The following VWC2 variants were observed in gnomAD, a reference collection of about 807,000 sequenced individuals.
VWC2 encodes brorin.
VWC2 carries 14 observed loss-of-function variants against 29.8 expected under a neutral mutation model. That is an observed-to-expected ratio of 0.47 (90% CI 0.31 to 0.74). VWC2 has a LOEUF of 0.74. Among genes scored for constraint, VWC2 ranks in the 30% least tolerant of loss-of-function variants. The pLI is 0.05. For missense variants in VWC2, 457 were observed against 459.8 expected, an observed-to-expected ratio of 0.99 and a Z score of 0.05; for synonymous variants, 213 against 199.0, an observed-to-expected ratio of 1.07 and a Z score of -0.59.
chr7:49,827,155 G>T (rs1789413997), intron 3 of VWC2, among the ~76,000 whole-genome samples: 2 of 151,904 alleles, frequency 1.3e-5, no homozygotes, highest in South Asian at 4.2e-4. Flanking sequence ...TGTTAATACA[G>T]TTATGTCATA....
rs1793723687 is a variant in VWC2, at chr7:49,916,338, A to G, written c.*4153A>G. Reference sequence around the variant, plus strand: ...TTCTGGGCCCTGGGTACCACAGACTATACTCTAAACATGGTCTTTACTATC... The same window carrying G: ...TTCTGGGCCCTGGGTACCACAGACTGTACTCTAAACATGGTCTTTACTATC... On this transcript the variant is annotated 3_prime_UTR_variant, in exon 4 of 4. Transcript: ENST00000340652. 1 of 152,146 alleles carries G rather than the reference A, an allele frequency of 6.6e-6. No individual in the cohort carries two copies. Among genetic ancestry groups the G allele is most frequent in the Non-Finnish European group, 1.5e-5 (1 of 68,030 alleles). 9.4% of individuals were successfully genotyped at this position (152,146 alleles called of 1,614,324 possible).
At chr7:49,851,078 G>T (rs1378294669) in intron 3 of VWC2, among the ~76,000 whole-genome samples, 1 of 152,170 alleles carries the variant, frequency 6.6e-6, no homozygotes, top group Non-Finnish European at 1.5e-5. Context: ...TGGAGGTTCC[G>T]ACGGCTGCTC....
At chr7:49,801,678 C>A (rs765177586) in intron 2 of VWC2, among the ~76,000 whole-genome samples, 11 of 152,198 alleles carry the variant, frequency 7.2e-5, no homozygotes, top group Admixed American at 1.3e-4. Flanking sequence ...GGCAGAATGA[C>A]CTGGAGGAAA....
chr7:49,812,092 T>C (rs1015378241), intron 3 of VWC2, among the ~76,000 whole-genome samples: 4 of 152,224 alleles, frequency 2.6e-5, no homozygotes, highest in African/African-American at 9.6e-5. Flanking sequence ...TTCTTTGAAA[T>C]ATTTTGTGAA....
At chr7:49,778,178 G>T (rs1173770537) in intron 2 of VWC2, among the ~76,000 whole-genome samples, 1 of 151,818 alleles carries the variant, frequency 6.6e-6, no homozygotes, top group African/African-American at 2.4e-5. Flanking sequence ...GGAGGAGAGG[G>T]ATCTCTCATT....
At chr7:49,904,601 T>C (rs1792977909) in intron 3 of VWC2, among the ~76,000 whole-genome samples, 2 of 152,192 alleles carry the variant, frequency 1.3e-5, no homozygotes, top group South Asian at 4.1e-4. Context: ...CAAATTTACA[T>C]TTTAGTTAAA....
chr7:49,880,641 T>C (rs1404332675), intron 3 of VWC2, among the ~76,000 whole-genome samples: 2 of 151,952 alleles, frequency 1.3e-5, no homozygotes, highest in African/African-American at 2.4e-5. Flanking sequence ...GTGAGAACAC[T>C]TGGACACAGG....
At chr7:49,806,563 C>T (rs554902774) in intron 3 of VWC2, among the ~76,000 whole-genome samples, 232 of 152,244 alleles carry the variant, frequency 1.5e-3, no homozygotes, top group Non-Finnish European at 2.7e-3. Context: ...TAAAGATAAA[C>T]ACTGAGACGT....
At chr7:49,785,596 C>A (rs773544161) in intron 2 of VWC2, among the ~76,000 whole-genome samples, 3 of 152,020 alleles carry the variant, frequency 2.0e-5, no homozygotes, top group Non-Finnish European at 4.4e-5. Flanking sequence ...ATAGAGACTG[C>A]AGAACAACAA....
intron 3 of VWC2, among the ~76,000 whole-genome samples, chr7:49,833,203 G>A (rs1789576294): frequency 6.6e-6 from 1 of 152,242 alleles, no homozygotes; most frequent in East Asian, 1.9e-4. Flanking sequence ...AGAGAAGAAT[G>A]TGGGTGTAAC....
intron 3 of VWC2, among the ~76,000 whole-genome samples, chr7:49,846,291 T>C (rs913296528): frequency 1.1e-4 from 17 of 152,212 alleles, no homozygotes; most frequent in Admixed American, 1.0e-3. Context: ...GGAAAGAAAT[T>C]TGATGGACTA....
rs762370056 is a variant in VWC2, at chr7:49,919,082, C to T, written c.*6897C>T. ...AAAAAAAAAAAAATCAGTGATGGAA[C>T]TGAGGCCAAATCTGTCTGGTTCCAA... is the stretch of plus-strand genomic sequence containing the variant. On this transcript the variant is annotated 3_prime_UTR_variant, in exon 4 of 4. Transcript: ENST00000340652. 1 of 150,764 alleles carries T rather than the reference C, an allele frequency of 6.6e-6. No individual in the cohort carries two copies. Among genetic ancestry groups the T allele is most frequent in the Non-Finnish European group, 1.5e-5 (1 of 67,898 alleles). The allele number at this position is 150,764 out of a possible 1,614,324, so 9.3% of individuals were successfully genotyped here. A position where few individuals can be genotyped will look rare whatever the true frequency, so the allele number is the denominator to read the frequency against.
At chr7:49,842,016 G>T (rs750476365) in intron 3 of VWC2, among the ~76,000 whole-genome samples, 1 of 151,922 alleles carries the variant, frequency 6.6e-6, no homozygotes, top group Non-Finnish European at 1.5e-5. Flanking sequence ...ACAGGTGCTC[G>T]CCACCACGCC....
At chr7:49,885,822 TGAG>T (rs1791879485) in intron 3 of VWC2, among the ~76,000 whole-genome samples, 1 of 152,200 alleles carries the variant, frequency 6.6e-6, no homozygotes, top group East Asian at 1.9e-4. Flanking sequence ...GCCCTGGAGC[TGAG>T]AAGCAGCAGC....
chr7:49,893,811 C>A (rs1792249129), intron 3 of VWC2, among the ~76,000 whole-genome samples: 2 of 152,064 alleles, frequency 1.3e-5, no homozygotes, highest in Non-Finnish European at 2.9e-5. Flanking sequence ...CAATAAGTTA[C>A]AGAAAAAGCA....
chr7:49,796,615 A>C (rs1788596702), intron 2 of VWC2, among the ~76,000 whole-genome samples: 1 of 152,212 alleles, frequency 6.6e-6, no homozygotes, highest in African/African-American at 2.4e-5. Context: ...GACAGGATAG[A>C]GTAGGAGGTA....
chr7:49,813,732 A>G (rs1201085992), intron 3 of VWC2, among the ~76,000 whole-genome samples: 3 of 152,236 alleles, frequency 2.0e-5, no homozygotes, highest in Non-Finnish European at 4.4e-5. Flanking sequence ...CAGGGCAGAG[A>G]AAACATGGCT....
intron 2 of VWC2, among the ~76,000 whole-genome samples, chr7:49,790,945 G>T (rs145246325): frequency 6.6e-6 from 1 of 152,040 alleles, no homozygotes; most frequent in South Asian, 2.1e-4. Context: ...AGCCATTTGC[G>T]CTCCAGGATG....
chr7:49,911,841 G>A (rs373397608), intron 3 of VWC2, among the ~76,000 whole-genome samples, 193 bp from the exon 4 acceptor site: 2 of 151,950 alleles, frequency 1.3e-5, no homozygotes, highest in East Asian at 3.9e-4. Context: ...AAGTTGCAGT[G>A]AGCCGAGATC....
Sources: allele counts gnomAD v4.1 joint callset (sites outside exome capture counted in the v4.1 genomes callset), GRCh38; gene constraint gnomAD v4.1.1; transcripts MANE v1.5; gene names NCBI Gene and HGNC (gene_info 2026-07-23, HGNC 2026-07-21).